The following CDKL3 variants were observed in gnomAD, a reference collection of about 807,000 sequenced individuals.
CDKL3 encodes the protein cyclin dependent kinase like 3, also known as cyclin-dependent kinase-like 3.
Under a neutral mutation model 69.3 loss-of-function variants are expected in CDKL3, and 65 were observed. The ratio of observed to expected loss-of-function variants is 0.94; its 90% CI spans 0.77 to 1.15. CDKL3 has a LOEUF of 1.15. Ranked by LOEUF, CDKL3 falls within the 50% of genes most tolerant of loss-of-function variation. CDKL3 has a pLI of 0.00. For missense variants in CDKL3, 652 were observed against 689.2 expected (o/e 0.95, Z 0.61); for synonymous variants, 202 against 221.6 (o/e 0.91, Z 0.79).
upstream of CDKL3, chr5:134,371,564 T>C: frequency 6.2e-7 from 1 of 1,609,726 alleles, no homozygotes; most frequent in Non-Finnish European, 8.5e-7. Context: ...GACTTTTTTT[T>C]TTTCAGACTG....
At chr5:134,308,088 A>G in intron 9 of CDKL3, 50 bp downstream of exon 9, 1 of 1,529,142 alleles carries the variant, frequency 6.5e-7, no homozygotes, top group Non-Finnish European at 8.8e-7. Context: ...TTGAAATACC[A>G]TTATACAGGA....
chr5:134,341,704 T>G (rs1222010244), intron 4 of CDKL3, among the ~76,000 whole-genome samples: 5 of 152,262 alleles, frequency 3.3e-5, no homozygotes, highest in Non-Finnish European at 5.9e-5. Context: ...TACCTGGGAC[T>G]AAGCATGTTC....
intron 2 of CDKL3, among the ~76,000 whole-genome samples, chr5:134,362,846 T>C (rs938988442): frequency 1.3e-5 from 2 of 152,152 alleles, no homozygotes; most frequent in Non-Finnish European, 2.9e-5. Flanking sequence ...GAGAATTGCT[T>C]GAACCTGGGA....
intron 8 of CDKL3, 23 bp from the exon 9 acceptor site, chr5:134,308,489 C>A: frequency 6.4e-7 from 1 of 1,573,316 alleles, no homozygotes; most frequent in Non-Finnish European, 8.6e-7. Context: ...CATCCAAAAT[C>A]TGAGTCATCA....
chr5:134,356,793 T>C (rs1754717122), intron 3 of CDKL3, among the ~76,000 whole-genome samples: 2 of 151,822 alleles, frequency 1.3e-5, no homozygotes, highest in African/African-American at 4.8e-5. Context: ...CAAAAATAAA[T>C]AAATAAAATA....
chr5:134,322,971 C>T (rs182153877), intron 4 of CDKL3, among the ~76,000 whole-genome samples: 1 of 148,530 alleles, frequency 6.7e-6, no homozygotes, highest in Admixed American at 6.7e-5. Flanking sequence ...AAGAGCAAAA[C>T]TCAGTCTCAA....
intron 4 of CDKL3, among the ~76,000 whole-genome samples, chr5:134,326,821 A>ATATATATGTGTGTG (rs1774375724): frequency 2.8e-5 from 3 of 105,524 alleles, no homozygotes; most frequent in Non-Finnish European, 1.7e-5. Context: ...GTGTGTGTAT[A>ATATATATGTGTGTG]TATATATATA....
intron 4 of CDKL3, among the ~76,000 whole-genome samples, chr5:134,336,652 G>A (rs1208976197): frequency 1.3e-5 from 2 of 152,268 alleles, no homozygotes; most frequent in Admixed American, 6.5e-5. Flanking sequence ...TATCACCAGC[G>A]GAGGCTGCAG....
intron 6 of CDKL3, among the ~76,000 whole-genome samples, chr5:134,316,596 C>CAA (rs202136942): frequency 1.1e-4 from 13 of 121,906 alleles, no homozygotes; most frequent in African/African-American, 8.9e-5. Context: ...GACTCCATCT[C>CAA]AAAAAAAAAA....
rs1466252332 is a variant in CDKL3 at position 134,308,404 on chromosome 5, T to C, written c.1098A>G (p.Gly366=). The part of the protein sequence containing the change: ...IKVRVIKVKG[G]RGDISEPKKK... Reference sequence around the variant, plus strand: ...TTTTTGGTTCTGAGATATCTCCTCTTCCTCCTTTGACTTTAATAACTCTGA... The same window carrying C: ...TTTTTGGTTCTGAGATATCTCCTCTCCCTCCTTTGACTTTAATAACTCTGA... The change falls in exon 9 of 13, where the codon GGA becomes GGG. Residue 366 remains glycine, a synonymous_variant. Coordinates refer to ENST00000265334, the MANE Select transcript of CDKL3 (RefSeq NM_001113575.2). 2 of 1,613,472 alleles carry C rather than the reference T, an allele frequency of 1.2e-6. No individual in the cohort carries two copies. The highest frequency in any genetic ancestry group is 4.5e-5 in the East Asian group (2 of 44,884).
chr5:134,316,179 T>C (rs1200459718), intron 6 of CDKL3, among the ~76,000 whole-genome samples: 1 of 152,176 alleles, frequency 6.6e-6, no homozygotes, highest in Non-Finnish European at 1.5e-5. Flanking sequence ...CTTGAATTCC[T>C]GGGCTCAAGT....
chr5:134,296,096 A>C (rs1765335936), downstream of CDKL3, among the ~76,000 whole-genome samples: 1 of 151,902 alleles, frequency 6.6e-6, no homozygotes, highest in Non-Finnish European at 1.5e-5. Context: ...ACGGGGTTTC[A>C]CCATGTTAGC....
At chr5:134,326,803 A>G (rs1194148508) in intron 4 of CDKL3, among the ~76,000 whole-genome samples, 1 of 129,382 alleles carries the variant, frequency 7.7e-6, no homozygotes, top group Non-Finnish European at 1.6e-5. Context: ...GTGTGTATAT[A>G]TATATATGTG....
upstream of CDKL3, among the ~76,000 whole-genome samples, chr5:134,369,762 C>T (rs572153422): frequency 6.6e-6 from 1 of 152,176 alleles, no homozygotes; most frequent in East Asian, 1.9e-4. Context: ...GAGACAGGAT[C>T]TCCTATGTTG....
intron 10 of CDKL3, 144 bp from the exon 11 acceptor site, chr5:134,304,711 T>C: frequency 3.7e-6 from 2 of 539,614 alleles, no homozygotes; most frequent in Non-Finnish European, 6.0e-6. Context: ...TAGAACACTA[T>C]TGAACATATC....
chr5:134,303,768 G>C (rs1470032638), intron 11 of CDKL3, among the ~76,000 whole-genome samples: 1 of 151,800 alleles, frequency 6.6e-6, no homozygotes, highest in Admixed American at 6.6e-5. Context: ...AGAATCACTT[G>C]AACCTGGGAG....
intron 4 of CDKL3, among the ~76,000 whole-genome samples, chr5:134,336,590 G>A (rs1406985285): frequency 1.3e-5 from 2 of 152,176 alleles, no homozygotes; most frequent in African/African-American, 4.8e-5. Flanking sequence ...CCCCTCAGCT[G>A]CAGGTCTGTT....
At chr5:134,352,669 G>C (rs1285792090) in intron 3 of CDKL3, among the ~76,000 whole-genome samples, 1 of 151,880 alleles carries the variant, frequency 6.6e-6, no homozygotes, top group East Asian at 1.9e-4. Flanking sequence ...GTCTGGTCTT[G>C]AACTCCTGGA....
intron 3 of CDKL3, among the ~76,000 whole-genome samples, chr5:134,357,488 G>A (rs1055964350): frequency 2.0e-5 from 3 of 151,718 alleles, no homozygotes; most frequent in East Asian, 1.9e-4. Context: ...AAAATTAGCC[G>A]GGCCTGGTGG....
Sources: allele counts gnomAD v4.1 joint callset (sites outside exome capture counted in the v4.1 genomes callset), GRCh38; gene constraint gnomAD v4.1.1; transcripts MANE v1.5; gene names NCBI Gene and HGNC (gene_info 2026-07-23, HGNC 2026-07-21).